The following DNM3 variants were observed in gnomAD, a reference collection of about 807,000 sequenced individuals.
DNM3 encodes the protein dynamin 3.
DNM3 carries 47 observed loss-of-function variants against 101.6 expected under a neutral mutation model. That is an observed-to-expected ratio of 0.46 (90% CI 0.37 to 0.59). The LOEUF (loss-of-function observed/expected upper bound fraction) is 0.59. DNM3 is among the 20% of genes least tolerant of loss of function. The pLI is 0.00. For synonymous variants in DNM3, 385 were observed against 387.9 expected, an observed-to-expected ratio of 0.99 and a Z score of 0.09; for missense variants, 849 against 1,085.7, an observed-to-expected ratio of 0.78 and a Z score of 3.06.
In DNM3 at chr1:172,160,588, A is replaced by G. The variant is rs147517684; in HGVS notation, c.1659+29300A>G. Reference sequence around the variant, plus strand: ...TCTTCGGTGGCAGTAACATGCATGGAACTGTCATCTCCTTTGCTAACAATA... The same window carrying G: ...TCTTCGGTGGCAGTAACATGCATGGGACTGTCATCTCCTTTGCTAACAATA... On this transcript the variant is annotated intron_variant, in intron 14 of 20. Transcript: ENST00000627582. Among the ~76,000 whole-genome samples the G allele has an allele frequency of 9.3e-4, 141 of 152,078 alleles. 1 individual carries two copies. The highest frequency in any genetic ancestry group is 2.9e-3 in the African/African-American group (119 of 41,528).
chr1:171,922,211 A>G (rs2040234352), intron 2 of DNM3, among the ~76,000 whole-genome samples: 1 of 151,920 alleles, frequency 6.6e-6, no homozygotes, highest in Non-Finnish European at 1.5e-5. Flanking sequence ...CAACAACCAT[A>G]TAATATCTGT....
At chr1:172,119,708 C>G (rs77295363) in intron 13 of DNM3, among the ~76,000 whole-genome samples, 4 of 152,308 alleles carry the variant, frequency 2.6e-5, no homozygotes, top group Non-Finnish European at 4.4e-5. Context: ...ATCTATTTCA[C>G]ATGTTCACAT....
intron 13 of DNM3, among the ~76,000 whole-genome samples, chr1:172,127,406 A>ATTATTG (rs2056696231): frequency 2.0e-5 from 3 of 146,858 alleles, no homozygotes; most frequent in Non-Finnish European, 4.5e-5. Flanking sequence ...TATTATTATT[A>ATTATTG]TTATTATTAT....
chr1:171,902,965 C>A (rs1239911445), intron 1 of DNM3, among the ~76,000 whole-genome samples: 1 of 152,010 alleles, frequency 6.6e-6, no homozygotes. Context: ...CCAGCCTGGG[C>A]AGCATAGTGG....
intron 4 of DNM3, among the ~76,000 whole-genome samples, chr1:172,018,992 C>T (rs1449811770): frequency 7.1e-6 from 1 of 141,146 alleles, no homozygotes; most frequent in East Asian, 2.3e-4. Context: ...TCCTTCCTTC[C>T]CTCCCTCCTT....
At chr1:172,064,118 A>C (rs1025266560) in intron 10 of DNM3, among the ~76,000 whole-genome samples, 1 of 152,130 alleles carries the variant, frequency 6.6e-6, no homozygotes, top group Non-Finnish European at 1.5e-5. Flanking sequence ...TAAATTTAGG[A>C]ATGTAATTAT....
At chr1:171,966,436 A>G (rs879486273) in intron 2 of DNM3, among the ~76,000 whole-genome samples, 13 of 152,228 alleles carry the variant, frequency 8.5e-5, no homozygotes, top group African/African-American at 1.2e-4. Flanking sequence ...TGATCCTTGT[A>G]TTATTATATT....
At chr1:172,151,860 G>C (rs2058140814) in intron 14 of DNM3, among the ~76,000 whole-genome samples, 1 of 151,998 alleles carries the variant, frequency 6.6e-6, no homozygotes, top group African/African-American at 2.4e-5. Context: ...AAAACAGTGA[G>C]GATAAGTGGT....
intron 14 of DNM3, among the ~76,000 whole-genome samples, chr1:172,215,184 G>T (rs920831870): frequency 6.6e-6 from 1 of 151,906 alleles, no homozygotes; most frequent in Non-Finnish European, 1.5e-5. Flanking sequence ...AGTAGTCATT[G>T]TTTCCAAGCT....
intron 2 of DNM3, among the ~76,000 whole-genome samples, chr1:171,948,972 A>G (rs2042335676): frequency 6.6e-6 from 1 of 152,190 alleles, no homozygotes; most frequent in South Asian, 2.1e-4. Flanking sequence ...CATATGAAAA[A>G]GAATATTCTT....
chr1:172,287,820 C>A (rs993119517), intron 15 of DNM3, among the ~76,000 whole-genome samples: 1 of 151,002 alleles, frequency 6.6e-6, no homozygotes, highest in Non-Finnish European at 1.5e-5. Flanking sequence ...CACACACACA[C>A]ACACACACAC....
intron 14 of DNM3, among the ~76,000 whole-genome samples, chr1:172,239,803 T>TTTC (rs988987495): frequency 7.8e-5 from 6 of 77,190 alleles, no homozygotes; most frequent in African/African-American, 1.2e-4. Flanking sequence ...TTTTTCTCTT[T>TTTC]TTTTTTTTTT....
At chr1:171,971,046 T>C in intron 2 of DNM3, among the ~76,000 whole-genome samples, 1 of 152,096 alleles carries the variant, frequency 6.6e-6, no homozygotes, top group East Asian at 1.9e-4. Context: ...CTGTGCATTA[T>C]CTTATTTAAC....
chr1:171,988,898 T>C, intron 3 of DNM3, 47 bp from the exon 4 acceptor site: 1 of 1,481,270 alleles, frequency 6.8e-7, no homozygotes, highest in Non-Finnish European at 9.1e-7. Context: ...ATTGTTATCT[T>C]TTAGCATTGA....
chr1:171,866,555 A>G (rs942443036), intron 1 of DNM3, among the ~76,000 whole-genome samples: 1 of 152,120 alleles, frequency 6.6e-6, no homozygotes, highest in Non-Finnish European at 1.5e-5. Flanking sequence ...GAGGATAATT[A>G]TCCTTTCCCT....
intron 11 of DNM3, among the ~76,000 whole-genome samples, chr1:172,070,354 A>G (rs1332699231): frequency 1.3e-5 from 2 of 152,200 alleles, no homozygotes; most frequent in African/African-American, 4.8e-5. Context: ...AGAAAACTTA[A>G]GTTCTTAAGA....
intron 1 of DNM3, among the ~76,000 whole-genome samples, chr1:171,915,688 T>C (rs1558259553): frequency 6.6e-6 from 1 of 152,146 alleles, no homozygotes; most frequent in African/African-American, 2.4e-5. Context: ...AATATGATTG[T>C]AATGAGTTGT....
chr1:172,313,732 C>T (rs2065179208), intron 16 of DNM3, among the ~76,000 whole-genome samples: 1 of 152,134 alleles, frequency 6.6e-6, no homozygotes, highest in Non-Finnish European at 1.5e-5. Flanking sequence ...TAGTTCAGTA[C>T]CTTCAACTGG....
At chr1:172,289,981 A>G (rs2063840114) in intron 15 of DNM3, 2 of 914,578 alleles carry the variant, frequency 2.2e-6, no homozygotes, top group Non-Finnish European at 2.6e-6. Context: ...TTAAATTTAT[A>G]TTATTGACAT....
Sources: allele counts gnomAD v4.1 joint callset (sites outside exome capture counted in the v4.1 genomes callset), GRCh38; gene constraint gnomAD v4.1.1; transcripts MANE v1.5; gene names NCBI Gene and HGNC (gene_info 2026-07-23, HGNC 2026-07-21).